The following MCM10 variants were observed in gnomAD, a reference collection of about 807,000 sequenced individuals.
The protein encoded by MCM10 is protein MCM10 homolog.
Under a neutral mutation model 109.9 loss-of-function variants are expected in MCM10, and 91 were observed. That is an observed-to-expected ratio of 0.83 (90% CI 0.70 to 0.99). MCM10 has a LOEUF of 0.99. Among genes scored for constraint, MCM10 ranks in the 50% least tolerant of loss-of-function variants. The pLI, the probability that MCM10 is intolerant of heterozygous loss-of-function variation, is 0.00. For missense variants in MCM10, 1,077 were observed against 1,061.2 expected (o/e 1.01, Z -0.21); for synonymous variants, 380 against 387.2 (o/e 0.98, Z 0.22).
At chr10:13,180,825 C>G (rs549832114) in intron 7 of MCM10, among the ~76,000 whole-genome samples, 2 of 152,232 alleles carry the variant, frequency 1.3e-5, no homozygotes, top group South Asian at 2.1e-4. Flanking sequence ...TTGGGCTTTC[C>G]ATTGTCCAAA....
chr10:13,185,319 A>G (rs548952739), intron 8 of MCM10, among the ~76,000 whole-genome samples: 13 of 152,318 alleles, frequency 8.5e-5, no homozygotes, highest in Admixed American at 3.3e-4. Flanking sequence ...ACAAAGCCCG[A>G]GCTATTCAGG....
At chr10:13,185,933 G>A (rs1468269451) in intron 8 of MCM10, among the ~76,000 whole-genome samples, 3 of 152,102 alleles carry the variant, frequency 2.0e-5, no homozygotes, top group Non-Finnish European at 4.4e-5. Flanking sequence ...GCTAATTTTT[G>A]TGGTTTTTTG....
Position 13,164,189 on chromosome 10 carries a change from G to C in MCM10, c.-14G>C. The C allele has an allele frequency of 3.8e-6, 6 of 1,591,128 alleles. No homozygotes were observed. Among genetic ancestry groups the C allele is most frequent in the Non-Finnish European group, 5.1e-6 (6 of 1,173,174 alleles). ...TCCTTCGAAGTTTCCTGTCACAACT[G>C]TCCTCTTGACAGCATGGATGGTAAG... On this transcript the variant is annotated 5_prime_UTR_variant, in exon 2 of 20. Transcript: ENST00000378714.
At chr10:13,190,095 G>T (rs111849060) in intron 10 of MCM10, among the ~76,000 whole-genome samples, 132 of 152,028 alleles carry the variant, frequency 8.7e-4, no homozygotes, top group African/African-American at 2.3e-3. Context: ...GGATAAGCTT[G>T]TAATCAGTGG....
At chr10:13,197,488 A>G in intron 14 of MCM10, 135 bp from the exon 15 acceptor site, 1 of 685,764 alleles carries the variant, frequency 1.5e-6, no homozygotes. Flanking sequence ...ACTAAGTAAA[A>G]TTAAGATATG....
chr10:13,168,086 G>A (rs1834025027), intron 2 of MCM10, among the ~76,000 whole-genome samples: 2 of 152,204 alleles, frequency 1.3e-5, no homozygotes, highest in African/African-American at 4.8e-5. Context: ...GGGTCCCCAG[G>A]CAGCATTTTC....
At position 13,209,270 on chromosome 10, in the gene MCM10, GA is replaced by G. The variant is rs1564396542; in HGVS notation, c.2586del (p.Gly863GlufsTer8). 4 of 1,614,106 alleles carry G rather than the reference GA, an allele frequency of 2.5e-6. No homozygotes were observed. The highest frequency in any genetic ancestry group is 3.4e-6 in the Non-Finnish European group (4 of 1,179,968). ...PKIGGETLLP[R>X]GEEHAKFLNS... ...ATAGGAGGAGAAACTCTGTTACCAA[GA>G]GGAGAAGAACATGCTAAATTTCTGA... On this transcript the variant is annotated frameshift_variant, in exon 20 of 20. Coordinates refer to ENST00000378714, the MANE Select transcript of MCM10 (RefSeq NM_018518.5). LOFTEE classifies it high-confidence loss of function.
At chr10:13,181,027 G>A (rs1036601774) in intron 7 of MCM10, among the ~76,000 whole-genome samples, 6 of 152,180 alleles carry the variant, frequency 3.9e-5, no homozygotes, top group Non-Finnish European at 7.3e-5. Context: ...TGTCAGTGCC[G>A]TGTGATATAT....
chr10:13,169,265 G>A (rs1237647201), intron 2 of MCM10, among the ~76,000 whole-genome samples: 1 of 152,168 alleles, frequency 6.6e-6, no homozygotes, highest in Non-Finnish European at 1.5e-5. Flanking sequence ...TTTTGCCATG[G>A]ACGCGGCAAC....
intron 2 of MCM10, among the ~76,000 whole-genome samples, chr10:13,166,650 ATAC>A (rs1357418381): frequency 0.029 from 2,722 of 94,310 alleles, 160 homozygotes; most frequent in African/African-American, 0.11. Flanking sequence ...AAAAAAAAAA[ATAC>A]ATACATACAT....
In MCM10 at chr10:13,171,004, C is replaced by T. The variant is rs759997031; in HGVS notation, c.90C>T (p.Asn30=). 1.9e-6 allele frequency: 3 copies of T among 1,614,186 alleles called. No homozygotes were observed. The highest frequency in any genetic ancestry group is 2.5e-6 in the Non-Finnish European group (3 of 1,180,040). ...SALDCNSEEN[N]FLTRENGEPD... is the part of the protein sequence containing the mutation. ...TGGATTGTAATTCAGAAGAAAATAACTTCTTGACGCGGGAAAATGGCGAGC... is the reference window on the plus strand; with the variant it reads ...TGGATTGTAATTCAGAAGAAAATAATTTCTTGACGCGGGAAAATGGCGAGC... Residue 30 remains asparagine (N), a synonymous_variant, in exon 3 of 20, where the codon AAC becomes AAT. Coordinates refer to ENST00000378714, the MANE Select transcript of MCM10 (RefSeq NM_018518.5).
In MCM10 at chr10:13,171,314, A is replaced by T. The variant is rs991041514; in HGVS notation, c.349+51A>T. On this transcript the variant is annotated intron_variant, in intron 3 of 19. Transcript: ENST00000378714. The stretch of plus-strand genomic sequence containing the variant: ...TTTCTTTCGGATAAGTTGGATGAAG[A>T]CCACCAATCTGATAGTTGTCATCAA... 6.2e-6 allele frequency: 9 copies of T among 1,456,106 alleles called. No homozygotes were observed. In the Admixed American group the frequency reaches 1.6e-4, roughly 26 times the overall value. 90.2% of individuals were successfully genotyped at this position (1,456,106 alleles called of 1,614,324 possible).
At chr10:13,169,835 A>T (rs139301954) in intron 2 of MCM10, among the ~76,000 whole-genome samples, 3,739 of 152,258 alleles carry the variant, frequency 0.025, 72 homozygotes, top group South Asian at 0.094. Flanking sequence ...CCTCCTGAAT[A>T]GCTGGGATTA....
chr10:13,171,013 G>A lies in MCM10; in HGVS notation c.99G>A (p.Thr33=), dbSNP rs1403868242. 2 of 1,614,222 alleles carry A rather than the reference G, an allele frequency of 1.2e-6. No individual in the cohort carries two copies. Among genetic ancestry groups the A allele is most frequent in the Non-Finnish European group, 1.7e-6 (2 of 1,180,050 alleles). ...ATTCAGAAGAAAATAACTTCTTGACGCGGGAAAATGGCGAGCCCGACGCAT... is the reference window on the plus strand; with the variant it reads ...ATTCAGAAGAAAATAACTTCTTGACACGGGAAAATGGCGAGCCCGACGCAT... ...DCNSEENNFL[T]RENGEPDAFD... is the part of the protein sequence containing the mutation. The change falls in exon 3 of 20, where the codon ACG becomes ACA. Residue 33 remains threonine, a synonymous_variant. Coordinates refer to ENST00000378714, the MANE Select transcript of MCM10 (RefSeq NM_018518.5).
At chr10:13,164,772 T>G (rs1833972541) in intron 2 of MCM10, among the ~76,000 whole-genome samples, 1 of 152,188 alleles carries the variant, frequency 6.6e-6, no homozygotes, top group Admixed American at 6.6e-5. Context: ...AAAATGATTG[T>G]GCTGGGCTGG....
rs761789682 is a variant in MCM10, at chr10:13,186,245, A to C, written c.1180A>C (p.Lys394Gln). Residue 394 changes from lysine to glutamine, a missense_variant, in exon 9 of 20, where the codon AAG becomes CAG. Physicochemically the swap from Lys to Gln is moderately conservative, Grantham distance 53. Coordinates refer to ENST00000378714, the MANE Select transcript of MCM10 (RefSeq NM_018518.5). ...CCTGGGAACCTGTAAAGCCAAGAAG[A>C]AGAATGGAGAGCCGTGCACGCAGAC... ...LDLGTCKAKKKNGEPCTQTVN... is the reference protein window; with the variant it reads ...LDLGTCKAKKQNGEPCTQTVN... The C allele has an allele frequency of 5.0e-6, 8 of 1,612,904 alleles. No homozygotes were observed. In the African/African-American group the frequency reaches 8.0e-5, roughly 16 times the overall value.
At chr10:13,196,159 G>C (rs937187250) in intron 14 of MCM10, among the ~76,000 whole-genome samples, 4 of 152,128 alleles carry the variant, frequency 2.6e-5, no homozygotes, top group Non-Finnish European at 5.9e-5. Flanking sequence ...TCCCACCTCA[G>C]CCTCCCAAAG....
chr10:13,188,915 C>G lies in MCM10; in HGVS notation c.1250C>G (p.Ala417Gly). 1 of 1,614,184 alleles carries G rather than the reference C, an allele frequency of 6.2e-7. No individual in the cohort carries two copies. Among genetic ancestry groups the G allele is most frequent in the Non-Finnish European group, 8.5e-7 (1 of 1,180,020 alleles). ...GAGTACTGTCAGTACCATGTCCAGG[C>G]TCAGTACAAGAAGCTCAGCGCAAAG... ...DCEYCQYHVQ[A>G]QYKKLSAKRA... Residue 417 changes from alanine (A) to glycine (G), a missense_variant, in exon 10 of 20, where the codon GCT (alanine) becomes GGT (glycine). Physicochemically the swap from Ala to Gly is moderately conservative, Grantham distance 60. Coordinates refer to ENST00000378714, the MANE Select transcript of MCM10 (RefSeq NM_018518.5).
At chr10:13,197,409 T>A (rs1247571259) in intron 14 of MCM10, among the ~76,000 whole-genome samples, 1 of 152,216 alleles carries the variant, frequency 6.6e-6, no homozygotes, top group Non-Finnish European at 1.5e-5. Context: ...TTAAATAAAC[T>A]AAGATTTTAT....
Sources: gnomAD v4.1 joint callset for allele counts (sites outside exome capture counted in the v4.1 genomes callset) on GRCh38, gnomAD v4.1.1 for gene constraint, MANE v1.5 for transcripts, NCBI Gene and HGNC (gene_info 2026-07-23, HGNC 2026-07-21) for gene names.